Variants in ARHGAP24 observed in about 807,000 individuals in gnomAD.
ARHGAP24 encodes rho GTPase-activating protein 24.
In ARHGAP24, 50 loss-of-function variants were observed where a neutral mutation model predicts 76.4. The observed-to-expected ratio is 0.65, with a 90% CI of 0.52 to 0.83. ARHGAP24 has a LOEUF of 0.83. Among genes scored for constraint, ARHGAP24 ranks in the 40% least tolerant of loss-of-function variants. The pLI is 0.00. For missense variants in ARHGAP24, 930 were observed against 914.2 expected (o/e 1.02, Z -0.22); for synonymous variants, 345 against 323.3 (o/e 1.07, Z -0.72).
intron 2 of ARHGAP24, among the ~76,000 whole-genome samples, chr4:85,692,001 G>C (rs1723681197): frequency 6.6e-6 from 1 of 152,166 alleles, no homozygotes; most frequent in African/African-American, 2.4e-5. Flanking sequence ...TTCTCTTAAG[G>C]ACTTCTCGTA....
At chr4:85,829,313 C>A (rs1698408460) in intron 3 of ARHGAP24, among the ~76,000 whole-genome samples, 1 of 152,034 alleles carries the variant, frequency 6.6e-6, no homozygotes, top group African/African-American at 2.4e-5. Context: ...TTATTCAAAA[C>A]AATTAACAAA....
intron 2 of ARHGAP24, among the ~76,000 whole-genome samples, chr4:85,712,416 T>C (rs1254404371): frequency 6.6e-6 from 1 of 152,188 alleles, no homozygotes; most frequent in Non-Finnish European, 1.5e-5. Context: ...TCTAGGTCAT[T>C]GGAAGAGTTG....
At chr4:85,584,547 T>A (rs1578055782) in intron 2 of ARHGAP24, among the ~76,000 whole-genome samples, 1 of 151,870 alleles carries the variant, frequency 6.6e-6, no homozygotes, top group Admixed American at 6.6e-5. Context: ...CATATGTAAC[T>A]AACCTGCACA....
chr4:85,886,580 C>T (rs191266198), intron 3 of ARHGAP24, among the ~76,000 whole-genome samples: 176 of 152,204 alleles, frequency 1.2e-3, no homozygotes, highest in Admixed American at 1.9e-3. Context: ...GAATGATAGT[C>T]ATTTAGTGTT....
At chr4:85,513,654 A>C (rs1724373095) in intron 1 of ARHGAP24, among the ~76,000 whole-genome samples, 1 of 152,192 alleles carries the variant, frequency 6.6e-6, no homozygotes, top group Non-Finnish European at 1.5e-5. Flanking sequence ...AAATAGTTTT[A>C]ACACCAGGAG....
intron 4 of ARHGAP24, among the ~76,000 whole-genome samples, chr4:85,926,684 C>A (rs543665106): frequency 6.6e-6 from 1 of 152,220 alleles, no homozygotes; most frequent in South Asian, 2.1e-4. Flanking sequence ...CTGTGTATTA[C>A]GTTTCCACTT....
chr4:85,609,167 A>G (rs1361195979), intron 2 of ARHGAP24, among the ~76,000 whole-genome samples: 1 of 152,248 alleles, frequency 6.6e-6, no homozygotes, highest in African/African-American at 2.4e-5. Context: ...ATATGCTCTG[A>G]AATGGGACCC....
chr4:85,661,086 A>C (rs1287519135), intron 2 of ARHGAP24, among the ~76,000 whole-genome samples: 1 of 152,230 alleles, frequency 6.6e-6, no homozygotes, highest in Non-Finnish European at 1.5e-5. Flanking sequence ...CAAACTTAGA[A>C]AAGTCATTAG....
intron 1 of ARHGAP24, among the ~76,000 whole-genome samples, chr4:85,485,704 A>G (rs1723024679): frequency 6.7e-6 from 1 of 149,922 alleles, no homozygotes; most frequent in African/African-American, 2.5e-5. Context: ...AGAAAAGTCT[A>G]TGCTGCCAAA....
At chr4:85,567,102 C>T (rs1726880822) in intron 1 of ARHGAP24, among the ~76,000 whole-genome samples, 1 of 152,090 alleles carries the variant, frequency 6.6e-6, no homozygotes, top group Non-Finnish European at 1.5e-5. Context: ...GCCTTATAGG[C>T]CATGGTAAGA....
At chr4:85,881,274 G>A (rs1251246522) in intron 3 of ARHGAP24, among the ~76,000 whole-genome samples, 1 of 152,046 alleles carries the variant, frequency 6.6e-6, no homozygotes, top group African/African-American at 2.4e-5. Context: ...TAGAACCGTG[G>A]CAATTTAAAA....
At chr4:85,525,116 A>G (rs1366641369) in intron 1 of ARHGAP24, among the ~76,000 whole-genome samples, 3 of 152,148 alleles carry the variant, frequency 2.0e-5, no homozygotes, top group Non-Finnish European at 4.4e-5. Context: ...TATTGTATCC[A>G]CCATCTTATT....
chr4:85,739,255 T>G (rs1468932308), intron 3 of ARHGAP24, among the ~76,000 whole-genome samples: 6 of 152,196 alleles, frequency 3.9e-5, no homozygotes, highest in African/African-American at 1.2e-4. Context: ...AACCCTTCTA[T>G]GCATTTCCAT....
At chr4:85,615,152 A>C (rs970752651) in intron 2 of ARHGAP24, among the ~76,000 whole-genome samples, 8 of 152,116 alleles carry the variant, frequency 5.3e-5, no homozygotes, top group Admixed American at 2.0e-4. Flanking sequence ...TAAATACAGT[A>C]AATTTTCCAA....
intron 3 of ARHGAP24, among the ~76,000 whole-genome samples, chr4:85,791,327 G>A (rs1267739277): frequency 6.6e-6 from 1 of 152,102 alleles, no homozygotes; most frequent in African/African-American, 2.4e-5. Context: ...GAGCAAGAAG[G>A]CATATTTAAC....
chr4:85,662,051 C>T (rs555749735), intron 2 of ARHGAP24, among the ~76,000 whole-genome samples: 4 of 152,298 alleles, frequency 2.6e-5, no homozygotes, highest in Admixed American at 2.0e-4. Context: ...GTTGGTTGGT[C>T]AAGTGGTATT....
chr4:85,995,694 G>A lies in ARHGAP24; in HGVS notation c.2003+37G>A, dbSNP rs1740621312. 3 of 1,585,960 alleles carry A rather than the reference G, an allele frequency of 1.9e-6. No homozygotes were observed. In the African/African-American group the frequency reaches 4.0e-5, roughly 21 times the overall value. On this transcript the variant is annotated intron_variant, in intron 9 of 9. Coordinates refer to ENST00000395184, the MANE Select transcript of ARHGAP24 (RefSeq NM_001025616.3). ...CTGGAGGTCGTAACTACCAGAGAGGGCTCAGTAGCCTCCTACTGTGGGACA... is the reference window on the plus strand; with the variant it reads ...CTGGAGGTCGTAACTACCAGAGAGGACTCAGTAGCCTCCTACTGTGGGACA...
chr4:85,534,830 G>A lies in ARHGAP24; in HGVS notation c.-20-35692G>A, dbSNP rs181969082. Among the ~76,000 whole-genome samples, 112 of 151,642 alleles carry A rather than the reference G, an allele frequency of 7.4e-4. No homozygotes were observed. In the East Asian group the frequency reaches 0.012, roughly 17 times the overall value. ...CACTAGCAGTGGCCTCAAGGCAGTC[G>A]GTGAAAGTGACTGAATAGGTGAACA... is the stretch of plus-strand genomic sequence containing the variant. On this transcript the variant is annotated intron_variant, in intron 1 of 9. Transcript: ENST00000395184.
Position 86,000,859 on chromosome 4 carries a change from T to A in ARHGAP24, c.*137T>A. 1.6e-6 allele frequency: 2 copies of A among 1,278,062 alleles called. No homozygotes were observed. The highest frequency in any genetic ancestry group is 2.2e-6 in the Non-Finnish European group (2 of 915,484). The allele number at this position is 1,278,062 out of a possible 1,614,324, so 79.2% of individuals were successfully genotyped here. On this transcript the variant is annotated 3_prime_UTR_variant, in exon 10 of 10. Coordinates refer to ENST00000395184, the MANE Select transcript of ARHGAP24 (RefSeq NM_001025616.3). The stretch of plus-strand genomic sequence containing the variant: ...GTGAAGGAATATCATTTACAGACAT[T>A]AAACATCCATATCTGCAATGTGTAC...
Sources: gnomAD v4.1 joint callset for allele counts (sites outside exome capture counted in the v4.1 genomes callset) on GRCh38, gnomAD v4.1.1 for gene constraint, MANE v1.5 for transcripts, NCBI Gene and HGNC (gene_info 2026-07-23, HGNC 2026-07-21) for gene names.